The following AGFG2 variants were observed in gnomAD, a reference collection of about 807,000 sequenced individuals.
The protein encoded by AGFG2 is arf-GAP domain and FG repeat-containing protein 2.
Under a neutral mutation model 48.0 loss-of-function variants are expected in AGFG2, and 31 were observed. That is an observed-to-expected ratio of 0.65 (90% CI 0.49 to 0.87). The LOEUF is 0.87. Among genes scored for constraint, AGFG2 ranks in the 40% least tolerant of loss-of-function variants. The probability of loss-of-function intolerance (pLI) is 0.00; values close to 1 mark genes in which losing one functional copy is unlikely to be tolerated. For synonymous variants in AGFG2, 229 were observed against 260.8 expected (o/e 0.88, Z 1.18); for missense variants, 599 against 632.6 (o/e 0.95, Z 0.57).
Position 100,539,491 on chromosome 7 carries a change from G to T in AGFG2, c.145G>T (p.Glu49Ter). The T allele has an allele frequency of 7.6e-7, 1 of 1,317,044 alleles. No individual in the cohort carries two copies. The allele number at this position is 1,317,044 out of a possible 1,614,324, so 81.6% of individuals were successfully genotyped here. Residue 49 changes from glutamate to a stop codon, truncating the protein, a stop_gained, in exon 1 of 12, where the codon GAG becomes TAG. Coordinates refer to ENST00000300176, the MANE Select transcript of AGFG2 (RefSeq NM_006076.5). LOFTEE classifies it high-confidence loss of function. Reference protein sequence around the residue: ...CSQAGNRHCFECAQRGVTYVD... With the variant: ...CSQAGNRHCF ...CCAGGCCGGGAACCGCCACTGCTTCGAGTGCGCCCAGCGCGGGGTCACCTA... is the reference window on the plus strand; with the variant it reads ...CCAGGCCGGGAACCGCCACTGCTTCTAGTGCGCCCAGCGCGGGGTCACCTA...
In AGFG2 at chr7:100,562,554, C is replaced by T. The variant is rs765482194; in HGVS notation, c.999-40C>T. The T allele has an allele frequency of 2.5e-6, 4 of 1,612,992 alleles. No homozygotes were observed. In the East Asian group the frequency reaches 6.7e-5, roughly 27 times the overall value. On this transcript the variant is annotated intron_variant, in intron 7 of 11. Coordinates refer to ENST00000300176, the MANE Select transcript of AGFG2 (RefSeq NM_006076.5). The surrounding 1 kb of genome is among the most constrained non-coding windows in gnomAD (Gnocchi z 5.4). The stretch of plus-strand genomic sequence containing the variant: ...GGCCCCTTGCTCAGGTTTGATTGGC[C>T]CTGGCAGCTGTGTATGACTTCTCTC...
intron 2 of AGFG2, among the ~76,000 whole-genome samples, chr7:100,550,178 A>G (rs1800598723): frequency 6.6e-6 from 1 of 152,142 alleles, no homozygotes; most frequent in African/African-American, 2.4e-5. Context: ...GTGGTGGCGC[A>G]TGCCTATAGT....
chr7:100,560,222 A>G (rs529392328), intron 6 of AGFG2, among the ~76,000 whole-genome samples: 18 of 148,302 alleles, frequency 1.2e-4, no homozygotes, highest in Admixed American at 1.1e-3. Context: ...CCTGTCGCCC[A>G]GGCTGGAGTG....
At chr7:100,550,919 G>T (rs1448124483) in intron 3 of AGFG2, among the ~76,000 whole-genome samples, 2 of 145,320 alleles carry the variant, frequency 1.4e-5, no homozygotes, top group Non-Finnish European at 3.0e-5. Context: ...AGAGTGCAGT[G>T]CCACAGTCAC....
chr7:100,561,485 G>T (rs1408311770), intron 6 of AGFG2, among the ~76,000 whole-genome samples: 1 of 152,188 alleles, frequency 6.6e-6, no homozygotes, highest in Non-Finnish European at 1.5e-5. Flanking sequence ...CAGTGTGGTC[G>T]ATAGGGTCCC....
intron 3 of AGFG2, among the ~76,000 whole-genome samples, chr7:100,553,055 AG>A (rs1330501671): frequency 1.3e-5 from 2 of 152,110 alleles, no homozygotes; most frequent in African/African-American, 4.8e-5. Context: ...TGGGAGGCTG[AG>A]GCAGGAGAAT....
chr7:100,553,620 C>G (rs890791348), intron 4 of AGFG2, 120 bp downstream of exon 4: 1 of 1,220,022 alleles, frequency 8.2e-7, no homozygotes, highest in African/African-American at 1.5e-5. Context: ...AGTTGGGTCT[C>G]GGCTCTGCTG....
intron 6 of AGFG2, chr7:100,556,698 C>A: frequency 8.2e-7 from 1 of 1,220,878 alleles, no homozygotes; most frequent in Non-Finnish European, 1.1e-6. Flanking sequence ...CTGGAAGGAA[C>A]CCTTAAAATT....
chr7:100,547,214 C>G (rs1406726583), intron 1 of AGFG2, among the ~76,000 whole-genome samples: 2 of 151,140 alleles, frequency 1.3e-5, no homozygotes, highest in Non-Finnish European at 3.0e-5. Context: ...GCTGTTCTCC[C>G]AGACTTGGCA....
chr7:100,560,813 T>TTC (rs1562795435), intron 6 of AGFG2, among the ~76,000 whole-genome samples: 1 of 143,588 alleles, frequency 7.0e-6, no homozygotes, highest in Non-Finnish European at 1.5e-5. Context: ...TCTCCCTTTT[T>TTC]TTTTTTTTTT....
chr7:100,564,117 T>C, intron 10 of AGFG2, 101 bp from the exon 11 acceptor site: 1 of 1,527,998 alleles, frequency 6.5e-7, no homozygotes, highest in Non-Finnish European at 8.9e-7. Flanking sequence ...GTACTTCCAC[T>C]GCTCTGTTCC....
intron 3 of AGFG2, among the ~76,000 whole-genome samples, chr7:100,551,706 A>G (rs924080103): frequency 6.0e-5 from 9 of 151,012 alleles, no homozygotes; most frequent in African/African-American, 2.2e-4. Flanking sequence ...CAACATGGTG[A>G]AACCCCGTCC....
rs767797187 is a variant in AGFG2, at chr7:100,539,400, C to CAAGGCG, written c.55_60dup (p.Lys19_Ala20dup). On this transcript the variant is annotated inframe_insertion, in exon 1 of 12. Coordinates refer to ENST00000300176, the MANE Select transcript of AGFG2 (RefSeq NM_006076.5). ...GCCCGGGCGGCGGGGTCAGCGGGGG[C>CAAGGCG]AAGGCGGAGGCGGAGGCGGCCTCGG... is the stretch of plus-strand genomic sequence containing the variant. 1 of 1,306,680 alleles carries CAAGGCG rather than the reference C, an allele frequency of 7.7e-7. No homozygotes were observed. Among genetic ancestry groups the CAAGGCG allele is most frequent in the Non-Finnish European group, 9.8e-7 (1 of 1,024,628 alleles). The allele number at this position is 1,306,680 out of a possible 1,614,324, so 80.9% of individuals were successfully genotyped here.
chr7:100,564,921 T>G lies in AGFG2; in HGVS notation c.1387-11T>G. The G allele has an allele frequency of 1.2e-6, 2 of 1,613,952 alleles. No individual in the cohort carries two copies. The highest frequency in any genetic ancestry group is 1.7e-6 in the Non-Finnish European group (2 of 1,179,792). On this transcript the variant is annotated splice_polypyrimidine_tract_variant and intron_variant, in intron 11 of 11. Coordinates refer to ENST00000300176, the MANE Select transcript of AGFG2 (RefSeq NM_006076.5). ...CCCCTAACTGGAAAATGTATTGTTC[T>G]TTCTTTCCAGACTGGACCCTCATCA...
chr7:100,549,841 T>C (rs558287304), intron 2 of AGFG2, among the ~76,000 whole-genome samples: 24 of 152,250 alleles, frequency 1.6e-4, no homozygotes, highest in South Asian at 4.1e-4. Flanking sequence ...TATAGGCACA[T>C]GCCACCATGC....
chr7:100,551,867 A>AC (rs1800652712), intron 3 of AGFG2, among the ~76,000 whole-genome samples: 1 of 144,088 alleles, frequency 6.9e-6, no homozygotes, highest in African/African-American at 2.6e-5. Flanking sequence ...AGCCTGGGCA[A>AC]AGAGAGAGAG....
At position 100,563,815 on chromosome 7, in the gene AGFG2, C is replaced by G. The variant is rs373229482; in HGVS notation, c.1172-19C>G. The G allele has an allele frequency of 4.7e-5, 75 of 1,610,166 alleles. No homozygotes were observed. Among genetic ancestry groups the G allele is most frequent in the Non-Finnish European group, 5.9e-5 (70 of 1,179,896 alleles). ...ACCTTCCAGAAGTTCACCTGAGCCT[C>G]CCGTCTTTCACTCCATAGGGCCCGG... On this transcript the variant is annotated intron_variant, in intron 9 of 11. Coordinates refer to ENST00000300176, the MANE Select transcript of AGFG2 (RefSeq NM_006076.5).
At chr7:100,549,944 G>A (rs529825435) in intron 2 of AGFG2, among the ~76,000 whole-genome samples, 1 of 152,126 alleles carries the variant, frequency 6.6e-6, no homozygotes, top group Non-Finnish European at 1.5e-5. Context: ...CACCCACCTC[G>A]GCCTTTCAAA....
At position 100,564,246 on chromosome 7, in the gene AGFG2, C is replaced by T. The variant is rs762777167; in HGVS notation, c.1329C>T (p.Ala443=). The T allele has an allele frequency of 6.2e-7, 1 of 1,613,488 alleles. No homozygotes were observed. Among genetic ancestry groups the T allele is most frequent in the Non-Finnish European group, 8.5e-7 (1 of 1,179,846 alleles). ...NGSSFGDLGS[A]KLGQRPLSQP... ...CTTCCTTCGGGGACTTAGGATCAGC[C>T]AAGTTGGGGCAGAGGCCACTGAGCC... Residue 443 remains alanine, a synonymous_variant, in exon 11 of 12, where the codon GCC becomes GCT. Transcript: ENST00000300176.
Sources: gnomAD v4.1 joint callset for allele counts (sites outside exome capture counted in the v4.1 genomes callset) on GRCh38, gnomAD v4.1.1 for gene constraint, Gnocchi (gnomAD v3.1) non-coding constraint, MANE v1.5 for transcripts, NCBI Gene and HGNC (gene_info 2026-07-23, HGNC 2026-07-21) for gene names.